The following DMD variants were observed in gnomAD, a reference collection of about 807,000 sequenced individuals.
The protein encoded by DMD is dystrophin, also known as mutant dystrophin.
A neutral mutation model predicts 330.1 loss-of-function variants in DMD; 63 were observed. That is an observed-to-expected ratio of 0.19 (90% CI 0.16 to 0.24). The LOEUF is 0.24. DMD is among the 10% of genes least tolerant of loss of function. The pLI is 1.00. For missense variants in DMD, 3,344 were observed against 2,684.1 expected (o/e 1.25, Z -5.43); for synonymous variants, 1,223 against 959.8 (o/e 1.27, Z -5.07).
intron 7 of DMD, among the ~76,000 whole-genome samples, chrX:32,729,812 T>C (rs1049101464): frequency 3.6e-5 from 4 of 112,069 alleles, no homozygotes; most frequent in African/African-American, 1.3e-4. Flanking sequence ...GTAAAAACGT[T>C]GTCTCAGCAG....
chrX:32,018,887 A>C (rs1236802537), intron 44 of DMD, among the ~76,000 whole-genome samples: 1 of 111,070 alleles, frequency 9.0e-6, no homozygotes, highest in Non-Finnish European at 1.9e-5. Flanking sequence ...AGTTGCATTT[A>C]ACTTTTTCAG....
At chrX:32,178,966 CTCTCT>C (rs2096917164) in intron 44 of DMD, among the ~76,000 whole-genome samples, 1 of 104,076 alleles carries the variant, frequency 9.6e-6, no homozygotes, top group African/African-American at 3.7e-5. Flanking sequence ...CTCTCTCTCT[CTCTCT>C]CTCTCTCTCT....
rs73188290 is a variant in DMD at position 33,047,102 on chromosome X, C to T, written c.32-26902G>A. ...TGTATGGATAGGAAACAAAGCTTAG[C>T]GAGGTTAAGTAACTGCCCAAGTTCA... On this transcript the variant is annotated intron_variant, in intron 1 of 78. Coordinates refer to ENST00000357033, the MANE Select transcript of DMD (RefSeq NM_004006.3). Among the ~76,000 whole-genome samples the T allele has an allele frequency of 8.2e-3, 909 of 111,447 alleles. 8 individuals are homozygous for T. The highest frequency in any genetic ancestry group is 0.028 in the Middle Eastern group (6 of 216).
chrX:32,668,760 T>G (rs1327183832), intron 9 of DMD, among the ~76,000 whole-genome samples: 1 of 110,773 alleles, frequency 9.0e-6, no homozygotes, highest in Non-Finnish European at 1.9e-5. Context: ...TTGAAAGATT[T>G]TTTTTTTTTA....
chrX:31,690,375 T>C (rs1234193982), intron 52 of DMD, among the ~76,000 whole-genome samples: 39 of 112,077 alleles, frequency 3.5e-4, no homozygotes, highest in South Asian at 1.1e-3. Context: ...AAAATGCTCA[T>C]CATCACTGGC....
intron 54 of DMD, among the ~76,000 whole-genome samples, chrX:31,642,845 T>C (rs1208230838): frequency 8.9e-6 from 1 of 112,118 alleles, no homozygotes; most frequent in Non-Finnish European, 1.9e-5. Flanking sequence ...ACCTGAAAGT[T>C]TAATTGACAC....
chrX:32,692,896 C>A (rs765257780), intron 9 of DMD, among the ~76,000 whole-genome samples: 20 of 111,628 alleles, frequency 1.8e-4, no homozygotes, highest in Middle Eastern at 4.7e-3. Flanking sequence ...TGTGCTTATA[C>A]CATGCAATGT....
At chrX:33,011,719 G>T (rs1040670641) in intron 2 of DMD, among the ~76,000 whole-genome samples, 2 of 111,877 alleles carry the variant, frequency 1.8e-5, no homozygotes, top group African/African-American at 6.5e-5. Flanking sequence ...GGTTATTTTA[G>T]TAAACATATA....
intron 44 of DMD, among the ~76,000 whole-genome samples, chrX:31,991,761 T>TA (rs35367607): frequency 0.19 from 17,206 of 88,589 alleles, 1,620 homozygotes; most frequent in South Asian, 0.31. Flanking sequence ...TTACAGACTT[T>TA]AAAAAAAAAA....
chrX:32,266,784 T>C (rs1218920071), intron 43 of DMD, among the ~76,000 whole-genome samples: 1 of 112,027 alleles, frequency 8.9e-6, no homozygotes, highest in Non-Finnish European at 1.9e-5. Flanking sequence ...ATGCAGCCAA[T>C]AAATAGTTGT....
chrX:32,244,065 A>C, intron 43 of DMD, among the ~76,000 whole-genome samples: 1 of 96,649 alleles, frequency 1.0e-5, no homozygotes, highest in East Asian at 3.8e-4. Context: ...CTAACTCGTC[A>C]TCTAGCATTA....
At chrX:31,955,707 T>C (rs2095239531) in intron 45 of DMD, among the ~76,000 whole-genome samples, 1 of 112,308 alleles carries the variant, frequency 8.9e-6, no homozygotes, top group African/African-American at 3.2e-5. Context: ...CTTCCAAATT[T>C]ATAGTTTGGG....
chrX:31,639,573 C>A (rs2079609274), intron 54 of DMD, among the ~76,000 whole-genome samples: 2 of 111,909 alleles, frequency 1.8e-5, no homozygotes, highest in African/African-American at 6.5e-5. Context: ...CAATGCCCCT[C>A]ATGGTATTTG....
At chrX:32,807,122 T>TTAAAAAAAAA (rs1345640031) in intron 7 of DMD, among the ~76,000 whole-genome samples, 4 of 20,741 alleles carry the variant, frequency 1.9e-4, no homozygotes, top group African/African-American at 8.8e-4. Context: ...CGGAAACATT[T>TTAAAAAAAAA]AAAAAAAAAA....
At chrX:32,590,306 G>C (rs917256201) in intron 13 of DMD, among the ~76,000 whole-genome samples, 3 of 112,197 alleles carry the variant, frequency 2.7e-5, no homozygotes, top group African/African-American at 9.7e-5. Flanking sequence ...TTAATAATCT[G>C]ATCCAAAATT....
intron 60 of DMD, among the ~76,000 whole-genome samples, chrX:31,377,157 G>T (rs1020025813): frequency 1.8e-5 from 2 of 111,918 alleles, no homozygotes; most frequent in Admixed American, 1.9e-4. Flanking sequence ...ACTTGGTAGT[G>T]AGAGTAGAGC....
At chrX:32,692,662 A>C (rs760430310) in intron 9 of DMD, among the ~76,000 whole-genome samples, 4 of 112,119 alleles carry the variant, frequency 3.6e-5, no homozygotes, top group African/African-American at 6.5e-5. Context: ...CTCAGAACAA[A>C]AAAGGATATC....
At chrX:32,453,368 A>T (rs917971523) in intron 26 of DMD, among the ~76,000 whole-genome samples, 2 of 110,061 alleles carry the variant, frequency 1.8e-5, no homozygotes, top group Non-Finnish European at 3.8e-5. Context: ...GATTATACTA[A>T]TTTTTTCTTC....
At chrX:31,911,016 A>G (rs1360932813) in intron 47 of DMD, among the ~76,000 whole-genome samples, 2 of 112,254 alleles carry the variant, frequency 1.8e-5, no homozygotes, top group Non-Finnish European at 3.8e-5. Context: ...TTTTGTGACT[A>G]CATGGCAGTT....
Sources: allele counts gnomAD v4.1 joint callset (sites outside exome capture counted in the v4.1 genomes callset), GRCh38; gene constraint gnomAD v4.1.1; transcripts MANE v1.5; gene names NCBI Gene and HGNC (gene_info 2026-07-23, HGNC 2026-07-21).